The following IGFL2 variants were observed in gnomAD, a reference collection of about 807,000 sequenced individuals.
IGFL2 encodes IGF like family member 2.
In IGFL2, 7 loss-of-function variants were observed where a neutral mutation model predicts 13.9. The ratio of observed to expected loss-of-function variants is 0.51; its 90% CI spans 0.29 to 0.95. The LOEUF (loss-of-function observed/expected upper bound fraction) is 0.95, where lower values mean the gene tolerates loss of function less well. Among genes scored for constraint, IGFL2 ranks in the 40% least tolerant of loss-of-function variants. IGFL2 has a pLI of 0.08. For missense variants in IGFL2, 138 were observed against 147.8 expected, an observed-to-expected ratio of 0.93 and a Z score of 0.34; for synonymous variants, 55 against 55.8, an observed-to-expected ratio of 0.99 and a Z score of 0.07.
chr19:46,083,933 T>C, the IGFL2 span, among the ~76,000 whole-genome samples: 1 of 152,244 alleles, frequency 6.6e-6, no homozygotes, highest in Non-Finnish European at 1.5e-5. Context: ...CATTTACTGC[T>C]ATAAACTTCC....
chr19:46,165,367 G>C (rs74908878), downstream of IGFL2, among the ~76,000 whole-genome samples: 5 of 152,334 alleles, frequency 3.3e-5, no homozygotes, highest in East Asian at 7.7e-4. Context: ...ACAGCAAAGG[G>C]AGGATGTTAC....
At chr19:46,132,377 A>C in the IGFL2 span, among the ~76,000 whole-genome samples, 1 of 152,226 alleles carries the variant, frequency 6.6e-6, no homozygotes, top group Non-Finnish European at 1.5e-5. Context: ...AAAATAAGAT[A>C]TTGAATTAAA....
At chr19:46,199,975 C>A in the IGFL2 span, among the ~76,000 whole-genome samples, 1 of 152,126 alleles carries the variant, frequency 6.6e-6, no homozygotes, top group African/African-American at 2.4e-5. Flanking sequence ...CTCCCTGGTT[C>A]AAGCGATTCT....
At chr19:46,123,902 A>T in the IGFL2 span, 2 of 1,610,514 alleles carry the variant, frequency 1.2e-6, no homozygotes, top group South Asian at 2.2e-5. Context: ...CAGCTCCGGG[A>T]GATGGGAGAT....
chr19:46,179,321 T>G, the IGFL2 span, among the ~76,000 whole-genome samples: 1 of 59,606 alleles, frequency 1.7e-5, no homozygotes, highest in Non-Finnish European at 3.1e-5. Context: ...GAGGTGCAGG[T>G]GTCTGAGCAG....
the IGFL2 span, among the ~76,000 whole-genome samples, chr19:46,187,886 G>A: frequency 4.2e-4 from 62 of 149,242 alleles, 1 homozygote; most frequent in Non-Finnish European, 9.0e-5. Flanking sequence ...TGTGCTGCTG[G>A]TGTGTGCTAC....
At chr19:46,083,374 C>A in the IGFL2 span, among the ~76,000 whole-genome samples, 1 of 152,128 alleles carries the variant, frequency 6.6e-6, no homozygotes, top group African/African-American at 2.4e-5. Context: ...GATATGTGCT[C>A]TTAGGGATTT....
At chr19:46,167,035 C>G in the IGFL2 span, among the ~76,000 whole-genome samples, 5 of 152,180 alleles carry the variant, frequency 3.3e-5, no homozygotes, top group Non-Finnish European at 1.5e-5. Flanking sequence ...TAGGAAATCA[C>G]AAGGGTATTG....
At chr19:46,080,841 C>T in the IGFL2 span, among the ~76,000 whole-genome samples, 51 of 152,344 alleles carry the variant, frequency 3.3e-4, 1 homozygote, top group African/African-American at 6.3e-4. Flanking sequence ...GCTGACTCTC[C>T]GGGCAGGCTG....
the IGFL2 span, among the ~76,000 whole-genome samples, chr19:46,081,077 C>T: frequency 3.9e-5 from 6 of 152,172 alleles, no homozygotes; most frequent in Admixed American, 3.3e-4. Flanking sequence ...CTGTCTGTGT[C>T]GCCAGGCTTC....
chr19:46,210,888 TG>T, the IGFL2 span, among the ~76,000 whole-genome samples: 18 of 152,324 alleles, frequency 1.2e-4, no homozygotes, highest in South Asian at 2.1e-4. Flanking sequence ...GGTGGACACT[TG>T]GCATCCAGCC....
the IGFL2 span, among the ~76,000 whole-genome samples, chr19:46,201,010 A>T: frequency 2.6e-5 from 4 of 152,236 alleles, no homozygotes; most frequent in African/African-American, 7.2e-5. Flanking sequence ...TCAAGCAGTT[A>T]TACCACCCAA....
At chr19:46,150,132 G>T (rs1568425072) in intron 1 of IGFL2, among the ~76,000 whole-genome samples, 1 of 152,138 alleles carries the variant, frequency 6.6e-6, no homozygotes, top group Non-Finnish European at 1.5e-5. Flanking sequence ...AAATAACAAT[G>T]CTGAGTGTCT....
chr19:46,175,568 C>T, the IGFL2 span, among the ~76,000 whole-genome samples: 2 of 152,084 alleles, frequency 1.3e-5, no homozygotes, highest in African/African-American at 2.4e-5. Context: ...TAGACAGTCT[C>T]GCTGTGTCAC....
the IGFL2 span, among the ~76,000 whole-genome samples, chr19:46,116,102 T>C: frequency 6.6e-6 from 1 of 152,140 alleles, no homozygotes. Context: ...TTATTATACT[T>C]TAAGTTCTAG....
chr19:46,078,735 AT>A, the IGFL2 span, among the ~76,000 whole-genome samples: 1 of 152,294 alleles, frequency 6.6e-6, no homozygotes, highest in Non-Finnish European at 1.5e-5. Context: ...TTGAGCCGAT[AT>A]CCCAGTAGTC....
chr19:46,157,637 C>A (rs554625514), intron 1 of IGFL2, among the ~76,000 whole-genome samples: 4 of 152,120 alleles, frequency 2.6e-5, no homozygotes, highest in Non-Finnish European at 5.9e-5. Flanking sequence ...TTCCTCAACT[C>A]GATAAAGTCC....
the IGFL2 span, among the ~76,000 whole-genome samples, chr19:46,185,046 C>T: frequency 2.0e-5 from 3 of 152,174 alleles, no homozygotes; most frequent in African/African-American, 7.2e-5. Context: ...TAAATGTCTT[C>T]TTTTGAGAAG....
the IGFL2 span, chr19:46,124,269 T>C: frequency 6.2e-7 from 1 of 1,610,728 alleles, no homozygotes; most frequent in Non-Finnish European, 8.5e-7. Context: ...TGTCCTTACC[T>C]GTAGTTCCTT....
Sources: gnomAD v4.1 joint callset for allele counts (sites outside exome capture counted in the v4.1 genomes callset) on GRCh38, gnomAD v4.1.1 for gene constraint, MANE v1.5 for transcripts, NCBI Gene and HGNC (gene_info 2026-07-23, HGNC 2026-07-21) for gene names.